Variants in EPG5 observed in about 807,000 individuals in gnomAD.
The protein encoded by EPG5 is ectopic P-granules 5 autophagy tethering factor.
A neutral mutation model predicts 302.7 loss-of-function variants in EPG5; 159 were observed. The observed-to-expected ratio is 0.53, with a 90% CI of 0.46 to 0.60. The LOEUF (loss-of-function observed/expected upper bound fraction) is 0.60, where lower values mean the gene tolerates loss of function less well. Ranked by LOEUF, EPG5 falls within the 20% of genes least tolerant of loss-of-function variation. The pLI, the probability that EPG5 is intolerant of heterozygous loss-of-function variation, is 0.00. For missense variants in EPG5, 2,896 were observed against 3,092.4 expected, an observed-to-expected ratio of 0.94 and a Z score of 1.51; for synonymous variants, 1,158 against 1,136.8, an observed-to-expected ratio of 1.02 and a Z score of -0.37.
Position 45,930,708 on chromosome 18 carries a change from A to G in EPG5, c.2380T>C (p.Phe794Leu). Residue 794 changes from phenylalanine (F) to leucine (L), a missense_variant, in exon 12 of 44, where the codon TTC (phenylalanine) becomes CTC (leucine). Phe to Leu is a conservative substitution (Grantham distance 22). Transcript: ENST00000282041. Reference protein sequence around the residue: ...QARRTNVDEDFIKIIVLEIYE... With the variant: ...QARRTNVDEDLIKIIVLEIYE... ...ATCTCCAGAACAATAATTTTTATGA[A>G]GTCTTCGTCCACATTGGTTCTTCTG... 6.3e-7 allele frequency: 1 copy of G among 1,597,400 alleles called. No homozygotes were observed. The highest frequency in any genetic ancestry group is 8.5e-7 in the Non-Finnish European group (1 of 1,175,072).
chr18:45,806,062 A>G, the EPG5 span, among the ~76,000 whole-genome samples: 1 of 152,238 alleles, frequency 6.6e-6, no homozygotes, highest in Non-Finnish European at 1.5e-5. Flanking sequence ...TAAAGATTAA[A>G]CAAGCAAATA....
chr18:45,917,875 G>A, intron 16 of EPG5, 56 bp from the exon 17 acceptor site: 1 of 1,600,972 alleles, frequency 6.2e-7, no homozygotes, highest in Non-Finnish European at 8.5e-7. Flanking sequence ...ATAAAATTCT[G>A]TTCTTCCAAT....
At position 45,851,830 on chromosome 18, in the gene EPG5, A is replaced by T. The variant is rs1172922624; in HGVS notation, c.*637T>A. On this transcript the variant is annotated 3_prime_UTR_variant, in exon 44 of 44. Coordinates refer to ENST00000282041, the MANE Select transcript of EPG5 (RefSeq NM_020964.3). ...TCAGACAGGCAGCTTCTCCATGAGG[A>T]TACACGGCTGGATGGAAATTGACTT... The T allele has an allele frequency of 6.6e-6, 1 of 152,258 alleles. No individual in the cohort carries two copies. Among genetic ancestry groups the T allele is most frequent in the Non-Finnish European group, 1.5e-5 (1 of 68,082 alleles). The allele number at this position is 152,258 out of a possible 1,614,324, so 9.4% of individuals were successfully genotyped here. A position where few individuals can be genotyped will look rare whatever the true frequency, so the allele number is the denominator to read the frequency against.
intron 39 of EPG5, among the ~76,000 whole-genome samples, chr18:45,863,504 C>T (rs1334578780): frequency 6.6e-6 from 1 of 152,170 alleles, no homozygotes; most frequent in Non-Finnish European, 1.5e-5. Context: ...CTCTTGACCA[C>T]TAAACAGCAG....
the EPG5 span, among the ~76,000 whole-genome samples, chr18:45,836,871 A>G: frequency 6.6e-6 from 1 of 152,270 alleles, no homozygotes; most frequent in East Asian, 1.9e-4. Flanking sequence ...AGAAGCCCCA[A>G]AGTTCCCAGC....
intron 23 of EPG5, among the ~76,000 whole-genome samples, chr18:45,908,746 C>T (rs1025617000): frequency 3.3e-5 from 5 of 152,058 alleles, no homozygotes; most frequent in African/African-American, 9.7e-5. Context: ...GTCAGGAGTT[C>T]GAGATAAGCC....
intron 16 of EPG5, among the ~76,000 whole-genome samples, chr18:45,920,912 C>T (rs887357852): frequency 2.6e-5 from 4 of 152,230 alleles, no homozygotes; most frequent in Non-Finnish European, 4.4e-5. Flanking sequence ...CCTTCCTTTA[C>T]ATTCTTTCTG....
At chr18:45,923,594 T>C (rs2050203087) in intron 14 of EPG5, among the ~76,000 whole-genome samples, 1 of 152,226 alleles carries the variant, frequency 6.6e-6, no homozygotes, top group East Asian at 1.9e-4. Flanking sequence ...CTAGATAGGT[T>C]TGAACCTGAC....
intron 39 of EPG5, among the ~76,000 whole-genome samples, chr18:45,864,587 G>A (rs533876242): frequency 6.6e-6 from 1 of 152,156 alleles, no homozygotes; most frequent in Non-Finnish European, 1.5e-5. Context: ...ATGGTACCTT[G>A]TTTCCTGTGT....
the EPG5 span, among the ~76,000 whole-genome samples, chr18:45,823,712 C>G: frequency 1.3e-5 from 2 of 152,198 alleles, no homozygotes; most frequent in African/African-American, 2.4e-5. Flanking sequence ...AAACATGGTT[C>G]TCTCCTCCAT....
At chr18:45,922,849 T>A (rs2050188634) in intron 15 of EPG5, among the ~76,000 whole-genome samples, 1 of 152,240 alleles carries the variant, frequency 6.6e-6, no homozygotes, top group Admixed American at 6.5e-5. Flanking sequence ...AAGTTGATAC[T>A]CAATGAATAG....
chr18:45,954,666 G>A lies in EPG5; in HGVS notation c.736C>T (p.Leu246Phe), dbSNP rs1281760623. The A allele has an allele frequency of 1.2e-6, 2 of 1,614,246 alleles. No homozygotes were observed. Among genetic ancestry groups the A allele is most frequent in the South Asian group, 1.1e-5 (1 of 91,084 alleles). Reference sequence around the variant, plus strand: ...GGTACTAGTTCCAGTTGAGACGGGAGTTCTGGGTAGAGTCGCTCACTGCGA... The same window carrying A: ...GGTACTAGTTCCAGTTGAGACGGGAATTCTGGGTAGAGTCGCTCACTGCGA... ...LLRSERLYPE[L>F]PSQLELVPFT... is the part of the protein sequence containing the mutation. Residue 246 changes from leucine (L) to phenylalanine (F), a missense_variant, in exon 2 of 44, where the codon CTC becomes TTC. Transcript: ENST00000282041.
intron 16 of EPG5, among the ~76,000 whole-genome samples, chr18:45,918,805 A>G (rs1037067926): frequency 6.6e-6 from 1 of 152,208 alleles, no homozygotes; most frequent in African/African-American, 2.4e-5. Context: ...AACTACTAGT[A>G]AAGAAAAGTT....
rs1336038125 is a variant in EPG5, at chr18:45,849,687, A to T, written c.*2780T>A. ...TCATTTTCTGGACTAGGCTTTCCCC[A>T]ACCTCAAAGAAGTGAGAGACGCAGG... is the stretch of plus-strand genomic sequence containing the variant. On this transcript the variant is annotated 3_prime_UTR_variant, in exon 44 of 44. Coordinates refer to ENST00000282041, the MANE Select transcript of EPG5 (RefSeq NM_020964.3). The T allele has an allele frequency of 6.6e-6, 1 of 152,202 alleles. No individual in the cohort carries two copies. Among genetic ancestry groups the T allele is most frequent in the Non-Finnish European group, 1.5e-5 (1 of 68,042 alleles). 9.4% of individuals were successfully genotyped at this position (152,202 alleles called of 1,614,324 possible). A position where few individuals can be genotyped will look rare whatever the true frequency, so the allele number is the denominator to read the frequency against.
intron 27 of EPG5, 151 bp downstream of exon 27, chr18:45,899,253 G>T: frequency 1.3e-6 from 1 of 793,646 alleles, no homozygotes; most frequent in Non-Finnish European, 2.0e-6. Flanking sequence ...TGTGTGATTA[G>T]CTCTATGAGT....
In EPG5 at chr18:45,870,626, G is replaced by C. The variant is rs116076204; in HGVS notation, c.6166C>G (p.Arg2056Gly). ...FILYAFHSTY[R>G]KLPWKDLHPD... Reference sequence around the variant, plus strand: ...TGCAGGTCCTTCCATGGCAGTTTCCGGTACGTGCTATGGAAAGCGTACAGA... The same window carrying C: ...TGCAGGTCCTTCCATGGCAGTTTCCCGTACGTGCTATGGAAAGCGTACAGA... The change falls in exon 36 of 44, where the codon CGG becomes GGG. Residue 2056 changes from arginine (R) to glycine (G), a missense_variant. Transcript: ENST00000282041. 7.4e-6 allele frequency: 12 copies of C among 1,613,812 alleles called. No individual in the cohort carries two copies. The African/African-American group carries it at 1.6e-4, about 22-fold the overall frequency.
intron 10 of EPG5, among the ~76,000 whole-genome samples, chr18:45,937,222 A>G (rs1374653527): frequency 8.4e-6 from 1 of 118,802 alleles, no homozygotes; most frequent in Non-Finnish European, 1.7e-5. Context: ...TCTGGCATAT[A>G]TATACATATA....
intron 34 of EPG5, among the ~76,000 whole-genome samples, chr18:45,877,619 C>T (rs1438369456): frequency 6.6e-6 from 1 of 152,178 alleles, no homozygotes; most frequent in African/African-American, 2.4e-5. Context: ...ACCTTTTATA[C>T]TTTCCTTAAG....
chr18:45,952,346 C>T, intron 3 of EPG5, 54 bp downstream of exon 3: 1 of 1,594,544 alleles, frequency 6.3e-7, no homozygotes, highest in Non-Finnish European at 8.5e-7. Context: ...GGCTATACCC[C>T]TCAATTTTTT....
Sources: allele counts gnomAD v4.1 joint callset (sites outside exome capture counted in the v4.1 genomes callset), GRCh38; gene constraint gnomAD v4.1.1; transcripts MANE v1.5; gene names NCBI Gene and HGNC (gene_info 2026-07-23, HGNC 2026-07-21).